NTRK2: variants seen among roughly 807,000 people sequenced by gnomAD.
NTRK2 encodes the protein BDNF/NT-3 growth factors receptor.
Under a neutral mutation model 94.5 loss-of-function variants are expected in NTRK2, and 13 were observed. That is an observed-to-expected ratio of 0.14 (90% CI 0.09 to 0.22). The LOEUF is 0.22. Ranked by LOEUF, NTRK2 falls within the 10% of genes least tolerant of loss-of-function variation. NTRK2 has a pLI of 1.00. For missense variants in NTRK2, 639 were observed against 1,071.2 expected, an observed-to-expected ratio of 0.60 and a Z score of 5.63; for synonymous variants, 372 against 407.4, an observed-to-expected ratio of 0.91 and a Z score of 1.05.
intron 17 of NTRK2, among the ~76,000 whole-genome samples, chr9:84,983,763 T>G (rs932873436): frequency 1.3e-5 from 2 of 152,214 alleles, no homozygotes; most frequent in Non-Finnish European, 2.9e-5. Context: ...TTACATGATT[T>G]GAATGGAGGG....
At chr9:84,677,812 T>G (rs1257081147) in intron 2 of NTRK2, among the ~76,000 whole-genome samples, 1 of 152,040 alleles carries the variant, frequency 6.6e-6, no homozygotes, top group Non-Finnish European at 1.5e-5. Context: ...TCCTCTGTCT[T>G]CCCCACCCCT....
chr9:84,939,005 T>C (rs1313809250), intron 15 of NTRK2, among the ~76,000 whole-genome samples: 2 of 136,806 alleles, frequency 1.5e-5, no homozygotes, highest in African/African-American at 2.8e-5. Context: ...TGAGCCGAGA[T>C]TGCACCACTG....
intron 6 of NTRK2, among the ~76,000 whole-genome samples, chr9:84,720,498 A>G (rs1331308042): frequency 6.6e-6 from 1 of 152,206 alleles, no homozygotes; most frequent in Non-Finnish European, 1.5e-5. Context: ...TGATCCTGAC[A>G]TCAGGTGGTA....
At chr9:84,697,974 T>G (rs949601996) in intron 2 of NTRK2, among the ~76,000 whole-genome samples, 1 of 152,224 alleles carries the variant, frequency 6.6e-6, no homozygotes, top group East Asian at 1.9e-4. Context: ...TTCTTTTCTT[T>G]TTTCTTCATA....
At position 85,021,405 on chromosome 9, in the gene NTRK2, G is replaced by A. The variant is rs2118018363; in HGVS notation, c.2485G>A (p.Ala829Thr). 1 of 1,614,098 alleles carries A rather than the reference G, an allele frequency of 6.2e-7. No individual in the cohort carries two copies. The highest frequency in any genetic ancestry group is 8.5e-7 in the Non-Finnish European group (1 of 1,180,010). ...IHTLLQNLAK[A>T]SPVYLDILG ...TACCCTCCTTCAGAACTTGGCCAAGGCATCTCCGGTCTACCTGGACATTCT... is the reference window on the plus strand; with the variant it reads ...TACCCTCCTTCAGAACTTGGCCAAGACATCTCCGGTCTACCTGGACATTCT... The change falls in exon 19 of 19, where the codon GCA becomes ACA. Residue 829 changes from alanine to threonine, a missense_variant. By Grantham distance (58) the Ala-to-Thr change is moderately conservative (BLOSUM62 0). Coordinates refer to ENST00000277120, the MANE Select transcript of NTRK2 (RefSeq NM_006180.6).
intron 14 of NTRK2, among the ~76,000 whole-genome samples, chr9:84,909,411 T>A (rs2077171674): frequency 6.6e-6 from 1 of 152,118 alleles, no homozygotes; most frequent in East Asian, 1.9e-4. Context: ...AACATAAGTT[T>A]TCAATCCTCT....
At position 84,787,890 on chromosome 9, in the gene NTRK2, G is replaced by T. The variant is rs184021566; in HGVS notation, c.1396+35805G>T. On this transcript the variant is annotated intron_variant, in intron 12 of 18. Transcript: ENST00000277120. ...CTATGGAGACAGACTTCTCGAGTTT[G>T]AATGCTAGCTCCAGCATTTACCAAA... Among the ~76,000 whole-genome samples the T allele has an allele frequency of 7.2e-5, 11 of 152,276 alleles. No individual in the cohort carries two copies. In the East Asian group the frequency reaches 2.1e-3, roughly 29 times the overall value.
At chr9:84,703,374 G>T (rs930381480) in intron 4 of NTRK2, among the ~76,000 whole-genome samples, 1 of 152,202 alleles carries the variant, frequency 6.6e-6, no homozygotes, top group Non-Finnish European at 1.5e-5. Flanking sequence ...GATAAAATAA[G>T]AGTGAGAGAG....
At chr9:84,978,071 C>T (rs1371514578) in intron 17 of NTRK2, among the ~76,000 whole-genome samples, 1 of 152,186 alleles carries the variant, frequency 6.6e-6, no homozygotes, top group Non-Finnish European at 1.5e-5. Flanking sequence ...TTCCCTGATA[C>T]ATACCAATAT....
At chr9:84,975,790 T>A (rs541210710) in intron 17 of NTRK2, among the ~76,000 whole-genome samples, 76 of 140,930 alleles carry the variant, frequency 5.4e-4, no homozygotes, top group Non-Finnish European at 1.1e-3. Flanking sequence ...TGAATTGTAT[T>A]CACACAATAC....
intron 2 of NTRK2, among the ~76,000 whole-genome samples, chr9:84,698,614 G>C (rs544545377): frequency 7.2e-5 from 11 of 152,248 alleles, no homozygotes; most frequent in African/African-American, 2.2e-4. Flanking sequence ...CAAGATACAG[G>C]CCAAGTGCTT....
intron 2 of NTRK2, among the ~76,000 whole-genome samples, chr9:84,677,706 C>T (rs980870531): frequency 3.9e-5 from 6 of 152,088 alleles, no homozygotes; most frequent in Admixed American, 2.6e-4. Flanking sequence ...AATTTGACCT[C>T]GAGAGCCAAG....
At chr9:84,788,916 T>C (rs2068426286) in intron 12 of NTRK2, among the ~76,000 whole-genome samples, 1 of 152,176 alleles carries the variant, frequency 6.6e-6, no homozygotes, top group Non-Finnish European at 1.5e-5. Flanking sequence ...GTCATTAGCC[T>C]AGAGGTAAGT....
chr9:84,797,674 T>G (rs1270631006), intron 12 of NTRK2, among the ~76,000 whole-genome samples: 2 of 80,118 alleles, frequency 2.5e-5, no homozygotes, highest in Non-Finnish European at 4.4e-5. Flanking sequence ...ATATTATATA[T>G]TATATATACT....
intron 12 of NTRK2, chr9:84,814,524 A>C: frequency 9.4e-7 from 1 of 1,065,932 alleles, no homozygotes; most frequent in East Asian, 5.0e-5. Flanking sequence ...TGTTTCACAG[A>C]ATTAGAACAC....
At chr9:84,961,062 A>C (rs770427774) in intron 17 of NTRK2, among the ~76,000 whole-genome samples, 1 of 152,200 alleles carries the variant, frequency 6.6e-6, no homozygotes, top group African/African-American at 2.4e-5. Context: ...CCTATCTCAG[A>C]CAACATTTTC....
intron 14 of NTRK2, among the ~76,000 whole-genome samples, chr9:84,924,928 A>G (rs928050780): frequency 7.2e-5 from 11 of 152,138 alleles, no homozygotes; most frequent in Non-Finnish European, 1.5e-4. Context: ...GCAGCAGGCT[A>G]TCTAGTCGAT....
intron 14 of NTRK2, chr9:84,877,108 T>G (rs1431415158): frequency 1.9e-5 from 20 of 1,064,732 alleles, no homozygotes; most frequent in Non-Finnish European, 2.2e-5. Flanking sequence ...TCAATCACAC[T>G]TTCCTTCTCG....
chr9:84,694,276 A>G (rs769112687), intron 2 of NTRK2, among the ~76,000 whole-genome samples: 1 of 152,158 alleles, frequency 6.6e-6, no homozygotes, highest in Non-Finnish European at 1.5e-5. Flanking sequence ...TCCTGGTAGC[A>G]TTATTTTGTT....
Sources: gnomAD v4.1 joint callset for allele counts (sites outside exome capture counted in the v4.1 genomes callset) on GRCh38, gnomAD v4.1.1 for gene constraint, MANE v1.5 for transcripts, NCBI Gene and HGNC (gene_info 2026-07-23, HGNC 2026-07-21) for gene names.